AGBL1: variants seen among roughly 807,000 people sequenced by gnomAD.
AGBL1 encodes the protein AGBL carboxypeptidase 1.
A neutral mutation model predicts 118.9 loss-of-function variants in AGBL1; 130 were observed. That is an observed-to-expected ratio of 1.09 (90% CI 0.95 to 1.26). The LOEUF (loss-of-function observed/expected upper bound fraction) is 1.26. Ranked by LOEUF, AGBL1 falls within the 50% of genes most tolerant of loss-of-function variation. The pLI, the probability that AGBL1 is intolerant of heterozygous loss-of-function variation, is 0.00. For synonymous variants in AGBL1, 555 were observed against 478.9 expected, an observed-to-expected ratio of 1.16 and a Z score of -2.08; for missense variants, 1,584 against 1,298.1, an observed-to-expected ratio of 1.22 and a Z score of -3.38.
intron 22 of AGBL1, among the ~76,000 whole-genome samples, chr15:86,704,449 TAAAC>T (rs1289041708): frequency 6.6e-6 from 1 of 151,898 alleles, no homozygotes; most frequent in African/African-American, 2.4e-5. Flanking sequence ...AAGAAAAAAA[TAAAC>T]AGCCTTACCA....
intron 17 of AGBL1, among the ~76,000 whole-genome samples, chr15:86,373,176 C>T (rs1051076125): frequency 1.3e-5 from 2 of 152,164 alleles, no homozygotes; most frequent in Non-Finnish European, 2.9e-5. Flanking sequence ...GTGGTTTAAT[C>T]AACATATCCT....
intron 21 of AGBL1, among the ~76,000 whole-genome samples, chr15:86,598,817 G>T (rs2142366598): frequency 6.6e-6 from 1 of 152,228 alleles, no homozygotes; most frequent in South Asian, 2.1e-4. Flanking sequence ...AGATTTTGTT[G>T]TTCTGTAGAC....
intron 15 of AGBL1, among the ~76,000 whole-genome samples, chr15:86,274,908 C>G (rs1457615564): frequency 6.6e-6 from 1 of 152,112 alleles, no homozygotes; most frequent in Non-Finnish European, 1.5e-5. Context: ...TGCCCCTCCC[C>G]TGGAGCACCT....
chr15:86,483,950 T>C (rs1007729907), intron 18 of AGBL1, among the ~76,000 whole-genome samples: 3 of 152,144 alleles, frequency 2.0e-5, no homozygotes, highest in African/African-American at 4.8e-5. Flanking sequence ...AGCTGAATGA[T>C]CTTGTGACAA....
chr15:86,548,960 G>C (rs2083626799), intron 20 of AGBL1, among the ~76,000 whole-genome samples: 1 of 152,044 alleles, frequency 6.6e-6, no homozygotes, highest in Non-Finnish European at 1.5e-5. Context: ...GGTGAGAACA[G>C]AGCCAGGAAA....
chr15:86,096,072 T>C (rs1896361832), intron 1 of AGBL1, among the ~76,000 whole-genome samples: 1 of 152,178 alleles, frequency 6.6e-6, no homozygotes, highest in Non-Finnish European at 1.5e-5. Context: ...TTTTTTTGTT[T>C]CTTTTTCTAG....
At chr15:86,840,032 C>A (rs1002646977) in intron 22 of AGBL1, among the ~76,000 whole-genome samples, 1 of 152,184 alleles carries the variant, frequency 6.6e-6, no homozygotes, top group South Asian at 2.1e-4. Flanking sequence ...TCCTCAGTTA[C>A]ATGGAGCATC....
intron 22 of AGBL1, among the ~76,000 whole-genome samples, chr15:86,902,196 C>T (rs2080220868): frequency 6.6e-6 from 1 of 152,156 alleles, no homozygotes; most frequent in Non-Finnish European, 1.5e-5. Flanking sequence ...TAACAAACTA[C>T]ATTCCAGAAC....
Position 86,883,460 on chromosome 15 carries a change from T to C in AGBL1, c.3159-23627T>C, listed in dbSNP as rs563932542. 2.6e-5 allele frequency among the ~76,000 whole-genome samples: 4 copies of C among 152,338 alleles called. No individual in the cohort carries two copies. In the South Asian group the frequency reaches 8.3e-4, roughly 32 times the overall value. ...AGTCTTCTCCCTGTAGTGTCCATTC[T>C]TTGCTTCTGAACCTGGAGAAAATCT... On this transcript the variant is annotated intron_variant, in intron 22 of 22. Transcript: ENST00000614907.
chr15:86,186,705 C>T (rs910342235), intron 5 of AGBL1, among the ~76,000 whole-genome samples: 2 of 152,166 alleles, frequency 1.3e-5, no homozygotes, highest in African/African-American at 2.4e-5. Flanking sequence ...AGAATTTGAT[C>T]CATCGATATC....
chr15:86,306,743 CTG>C, intron 17 of AGBL1, among the ~76,000 whole-genome samples: 1 of 152,092 alleles, frequency 6.6e-6, no homozygotes, highest in Non-Finnish European at 1.5e-5. Context: ...AACTTCCAAA[CTG>C]TTTTCCATAG....
chr15:86,551,426 A>G (rs1486462734), intron 20 of AGBL1, among the ~76,000 whole-genome samples: 2 of 152,216 alleles, frequency 1.3e-5, no homozygotes, highest in East Asian at 3.8e-4. Context: ...CTTACAAAGT[A>G]AAAATGAATA....
At chr15:87,029,657 A>G (rs1464986327), downstream of AGBL1, among the ~76,000 whole-genome samples, 1 of 151,982 alleles carries the variant, frequency 6.6e-6, no homozygotes, top group East Asian at 1.9e-4. Context: ...AGTATTTTTT[A>G]AAGTCAAAGA....
At chr15:86,827,470 CATATATATATATATGTGTGTAT>C (rs1239661496) in intron 22 of AGBL1, among the ~76,000 whole-genome samples, 24 of 5,776 alleles carry the variant, frequency 4.2e-3, no homozygotes, top group African/African-American at 0.01. Context: ...TATATATATA[CATATATATATATATGTGTGTAT>C]ATATATATAT....
intron 5 of AGBL1, among the ~76,000 whole-genome samples, chr15:86,183,551 C>T (rs777536193): frequency 2.6e-4 from 39 of 152,202 alleles, no homozygotes; most frequent in Admixed American, 9.2e-4. Flanking sequence ...AATTTAAAAA[C>T]AGAAATGACT....
intron 21 of AGBL1, among the ~76,000 whole-genome samples, chr15:86,642,787 T>C (rs1426134534): frequency 2.0e-5 from 3 of 152,162 alleles, no homozygotes; most frequent in Non-Finnish European, 2.9e-5. Context: ...TTAAGTTTTA[T>C]AATTAGTGTT....
At chr15:86,088,512 A>T (rs554188610) in intron 1 of AGBL1, among the ~76,000 whole-genome samples, 4 of 152,310 alleles carry the variant, frequency 2.6e-5, no homozygotes, top group Admixed American at 1.3e-4. Flanking sequence ...AGGTTATTTC[A>T]TCAGCATTTA....
intron 18 of AGBL1, among the ~76,000 whole-genome samples, chr15:86,430,278 C>T (rs1187883333): frequency 2.0e-5 from 3 of 151,938 alleles, no homozygotes; most frequent in South Asian, 2.1e-4. Flanking sequence ...GGGTGGATCA[C>T]GAGGTCAGGA....
At chr15:86,488,370 C>T (rs538477377) in intron 18 of AGBL1, among the ~76,000 whole-genome samples, 1 of 151,878 alleles carries the variant, frequency 6.6e-6, no homozygotes, top group African/African-American at 2.4e-5. Flanking sequence ...AGTTCCAGCT[C>T]CCAAACTATG....
Sources: gnomAD v4.1 joint callset for allele counts (sites outside exome capture counted in the v4.1 genomes callset) on GRCh38, gnomAD v4.1.1 for gene constraint, MANE v1.5 for transcripts, NCBI Gene and HGNC (gene_info 2026-07-23, HGNC 2026-07-21) for gene names.